Variants in LRRIQ4 observed in about 807,000 individuals in gnomAD.
LRRIQ4 encodes leucine-rich repeat and IQ domain-containing protein 4.
A neutral mutation model predicts 40.1 loss-of-function variants in LRRIQ4; 21 were observed. The ratio of observed to expected loss-of-function variants is 0.52; its 90% confidence interval spans 0.37 to 0.75. The LOEUF (loss-of-function observed/expected upper bound fraction) is 0.75, where lower values mean the gene tolerates loss of function less well. LRRIQ4 is among the 30% of genes least tolerant of loss of function. The probability of loss-of-function intolerance (pLI) is 0.00; values close to 1 mark genes in which losing one functional copy is unlikely to be tolerated. For missense variants in LRRIQ4, 655 were observed against 660.0 expected, an observed-to-expected ratio of 0.99 and a Z score of 0.08; for synonymous variants, 277 against 277.1, an observed-to-expected ratio of 1.00 and a Z score of 0.00.
In LRRIQ4 at chr3:169,822,594, G is replaced by A. The variant is rs776181036; in HGVS notation, c.673G>A (p.Val225Ile). 3.7e-6 allele frequency: 6 copies of A among 1,613,842 alleles called. No individual in the cohort carries two copies. The highest frequency in any genetic ancestry group is 1.1e-5 in the South Asian group (1 of 91,088). Residue 225 changes from valine (V) to isoleucine (I), a missense_variant, in exon 2 of 6, where the codon GTT becomes ATT. By Grantham distance (29) the Val-to-Ile change is conservative. Transcript: ENST00000340806. ...KFYMASNNLP[V>I]LPASLCQCSQ... ...CTATATGGCTTCTAACAACCTTCCC[G>A]TTCTGCCCGCGTCCTTGTGCCAGTG...
At chr3:169,826,588 T>TA (rs902311594) in intron 2 of LRRIQ4, among the ~76,000 whole-genome samples, 1 of 151,994 alleles carries the variant, frequency 6.6e-6, no homozygotes. Context: ...TAAATACTCC[T>TA]AAAAAAAATT....
chr3:169,830,185 T>G (rs138434879), intron 3 of LRRIQ4, among the ~76,000 whole-genome samples: 24 of 151,992 alleles, frequency 1.6e-4, no homozygotes, highest in African/African-American at 5.1e-4. Context: ...ATAAATGTAG[T>G]TAAATTATTC....
chr3:169,822,206 C>A lies in LRRIQ4; in HGVS notation c.285C>A (p.Ser95Arg), dbSNP rs1172630927. The part of the protein sequence containing the change: ...SLCPALGLLS[S>R]LESLDLSYNP... ...GCCCGGCGCTGGGGCTGCTGAGCAG[C>A]CTGGAGAGCCTGGACCTGAGCTACA... The change falls in exon 2 of 6, where the codon AGC becomes AGA. Residue 95 changes from serine to arginine, a missense_variant. Physicochemically the swap from Ser to Arg is moderately radical, Grantham distance 110 (BLOSUM62 -1). Transcript: ENST00000340806. The A allele has an allele frequency of 6.2e-7, 1 of 1,600,816 alleles. No individual in the cohort carries two copies. Among genetic ancestry groups the A allele is most frequent in the Non-Finnish European group, 8.5e-7 (1 of 1,175,976 alleles).
Position 169,822,110 on chromosome 3 carries a change from TC to T in LRRIQ4, c.193del (p.Gln65ArgfsTer6). ...HLENNQIEEI[P>X]QEIQRLKNIR... ...TGGAGAATAACCAGATTGAAGAAAT[TC>T]CCCAGGAGATTCAGCGTTTAAAGAA... On this transcript the variant is annotated frameshift_variant, in exon 2 of 6. Transcript: ENST00000340806. LOFTEE classifies it high-confidence loss of function. The T allele has an allele frequency of 6.2e-7, 1 of 1,611,042 alleles. No homozygotes were observed. The highest frequency in any genetic ancestry group is 8.5e-7 in the Non-Finnish European group (1 of 1,179,236).
In LRRIQ4 at chr3:169,821,994, G is replaced by A; in HGVS notation, c.73G>A (p.Asp25Asn). 5 of 1,564,692 alleles carry A rather than the reference G, an allele frequency of 3.2e-6. No homozygotes were observed. Among genetic ancestry groups the A allele is most frequent in the Middle Eastern group, 1.7e-4 (1 of 5,808 alleles). The change falls in exon 2 of 6, where the codon GAT becomes AAT. Residue 25 changes from aspartate to asparagine, a missense_variant. By Grantham distance (23) the Asp-to-Asn change is conservative. Coordinates refer to ENST00000340806, the MANE Select transcript of LRRIQ4 (RefSeq NM_001080460.3). ...GAGAAATGATCCACAGCACGTCAAT[G>A]ATAGAACATTTTTCATTGATGCCTC... ...HQRNDPQHVN[D>N]RTFFIDASNQ... is the part of the protein sequence containing the mutation.
chr3:169,816,545 G>T (rs1779773848), intron 1 of LRRIQ4, among the ~76,000 whole-genome samples: 1 of 151,316 alleles, frequency 6.6e-6, no homozygotes. Context: ...TCTTAATCTG[G>T]CTAAAAGTTT....
At position 169,823,011 on chromosome 3, in the gene LRRIQ4, A is replaced by G. The variant is rs13433855; in HGVS notation, c.1020+70A>G. 3.2e-3 allele frequency: 4,282 copies of G among 1,323,326 alleles called. 127 individuals are homozygous for G. In the African/African-American group the frequency reaches 0.057, roughly 18 times the overall value. 82.0% of individuals were successfully genotyped at this position (1,323,326 alleles called of 1,614,324 possible). A position where few individuals can be genotyped will look rare whatever the true frequency, so the allele number is the denominator to read the frequency against. On this transcript the variant is annotated intron_variant, in intron 2 of 5. Coordinates refer to ENST00000340806, the MANE Select transcript of LRRIQ4 (RefSeq NM_001080460.3). ...CCTTCCTGCCCTAAGTTGGTTCTGT[A>G]TCTAAACAGCAAATTTGAACTGACT... is the stretch of plus-strand genomic sequence containing the variant.
intron 1 of LRRIQ4, among the ~76,000 whole-genome samples, chr3:169,819,397 A>C (rs1250718992): frequency 6.6e-6 from 1 of 152,244 alleles, no homozygotes; most frequent in African/African-American, 2.4e-5. Context: ...ATGGAGAAAG[A>C]TGAATGCTAA....
chr3:169,822,770 C>T lies in LRRIQ4; in HGVS notation c.849C>T (p.His283=), dbSNP rs200686910. 3.7e-5 allele frequency: 59 copies of T among 1,613,506 alleles called. No individual in the cohort carries two copies. Among genetic ancestry groups the T allele is most frequent in the Non-Finnish European group, 7.6e-6 (9 of 1,179,724 alleles). ...TCATTTGCAGGTGGACCTCGCTGCA[C>T]CTGCTCTACCTGGGAAACACCGGCC... ...PRLICRWTSL[H]LLYLGNTGLH... The change falls in exon 2 of 6, where the codon CAC becomes CAT. Residue 283 remains histidine, a synonymous_variant. Coordinates refer to ENST00000340806, the MANE Select transcript of LRRIQ4 (RefSeq NM_001080460.3).
intron 2 of LRRIQ4, 27 bp downstream of exon 2, chr3:169,822,968 T>G (rs747325471): frequency 6.7e-7 from 1 of 1,487,532 alleles, no homozygotes; most frequent in Non-Finnish European, 8.9e-7. Flanking sequence ...TGGCTGTCAC[T>G]ATGCTCTCAT....
chr3:169,834,858 G>A (rs28446970), intron 5 of LRRIQ4, among the ~76,000 whole-genome samples: 6,889 of 151,832 alleles, frequency 0.045, 377 homozygotes, highest in African/African-American at 0.13. Context: ...ATTTAAAAAT[G>A]TATATACATT....
chr3:169,831,538 G>A (rs1258164498), intron 4 of LRRIQ4, among the ~76,000 whole-genome samples: 2 of 127,658 alleles, frequency 1.6e-5, no homozygotes, highest in Non-Finnish European at 3.1e-5. Context: ...TCCTGACCTC[G>A]TGATCTGCCC....
rs1480082036 is a variant in LRRIQ4, at chr3:169,832,973, A to G, written c.1334-14A>G. 6.2e-7 allele frequency: 1 copy of G among 1,607,216 alleles called. No homozygotes were observed. The stretch of plus-strand genomic sequence containing the variant: ...TTCTAAGATTGAACCACCATTACGA[A>G]AAAATCTTTTCAGCTTTGAAAGAAT... On this transcript the variant is annotated splice_polypyrimidine_tract_variant and intron_variant, in intron 4 of 5. Transcript: ENST00000340806.
At chr3:169,825,628 G>T (rs1198159293) in intron 2 of LRRIQ4, among the ~76,000 whole-genome samples, 3 of 152,206 alleles carry the variant, frequency 2.0e-5, no homozygotes, top group Non-Finnish European at 4.4e-5. Context: ...ACTGAGCCAT[G>T]AATAATACCT....
At chr3:169,830,691 A>C in intron 4 of LRRIQ4, 61 bp downstream of exon 4, 1 of 1,595,318 alleles carries the variant, frequency 6.3e-7, no homozygotes, top group Non-Finnish European at 8.6e-7. Flanking sequence ...TCCTATGGCA[A>C]ATGGCTTCCT....
chr3:169,834,244 C>A (rs1780256153), intron 5 of LRRIQ4, among the ~76,000 whole-genome samples: 1 of 152,124 alleles, frequency 6.6e-6, no homozygotes. Context: ...TGCCTGTAAT[C>A]CCAGCTACTC....
rs796337736 is a variant in LRRIQ4 at position 169,831,397 on chromosome 3, C to T, written c.1333+767C>T. 2.0e-4 allele frequency among the ~76,000 whole-genome samples: 26 copies of T among 132,566 alleles called. No individual in the cohort carries two copies. In the South Asian group the frequency reaches 6.3e-3, roughly 32 times the overall value. 87.0% of individuals were successfully genotyped at this position (132,566 alleles called of 152,430 possible). A position where few individuals can be genotyped will look rare whatever the true frequency, so the allele number is the denominator to read the frequency against. On this transcript the variant is annotated intron_variant, in intron 4 of 5. Transcript: ENST00000340806. The stretch of plus-strand genomic sequence containing the variant: ...CACGCTATTCTTCTGCCTCAGCCTC[C>T]TGAGTAGCTGGAACTACAGGCGCCC...
chr3:169,825,494 G>A (rs1780022480), intron 2 of LRRIQ4, among the ~76,000 whole-genome samples: 1 of 152,194 alleles, frequency 6.6e-6, no homozygotes, highest in African/African-American at 2.4e-5. Flanking sequence ...TTCCGTGAGA[G>A]CCCGGCCCTG....
At chr3:169,823,083 T>G (rs1779953715) in intron 2 of LRRIQ4, 142 bp downstream of exon 2, 6 of 662,222 alleles carry the variant, frequency 9.1e-6, no homozygotes, top group Non-Finnish European at 1.2e-5. Flanking sequence ...AAGGTGATAC[T>G]TTGTATTACT....
Sources: gnomAD v4.1 joint callset for allele counts (sites outside exome capture counted in the v4.1 genomes callset) on GRCh38, gnomAD v4.1.1 for gene constraint, MANE v1.5 for transcripts, NCBI Gene and HGNC (gene_info 2026-07-23, HGNC 2026-07-21) for gene names.